RPS6KA5: variants seen among roughly 807,000 people sequenced by gnomAD.
The protein encoded by RPS6KA5 is ribosomal protein S6 kinase A5, also known as ribosomal protein S6 kinase alpha-5.
RPS6KA5 carries 27 observed loss-of-function variants against 85.5 expected under a neutral mutation model. That is an observed-to-expected ratio of 0.32 (90% CI 0.23 to 0.44). The LOEUF is 0.44. Ranked by LOEUF, RPS6KA5 falls within the 20% of genes least tolerant of loss-of-function variation. The pLI, the probability that RPS6KA5 is intolerant of heterozygous loss-of-function variation, is 1.00. For missense variants in RPS6KA5, 811 were observed against 980.9 expected (o/e 0.83, Z 2.31); for synonymous variants, 334 against 348.2 (o/e 0.96, Z 0.46).
rs1166443069 is a variant in RPS6KA5 at position 90,854,944 on chromosome 14, C to G, written c.*17130G>C. The stretch of plus-strand genomic sequence containing the variant: ...ACATAAAGATTTTATGTAAAACACT[C>G]TGCAGTTAGAAACAATCTTATTTAC... On this transcript the variant is annotated 3_prime_UTR_variant, in exon 17 of 17. Transcript: ENST00000614987. The G allele has an allele frequency of 6.6e-6, 1 of 152,128 alleles. No homozygotes were observed. The highest frequency in any genetic ancestry group is 2.4e-5 in the African/African-American group (1 of 41,422). 9.4% of individuals were successfully genotyped at this position (152,128 alleles called of 1,614,324 possible). A position where few individuals can be genotyped will look rare whatever the true frequency, so the allele number is the denominator to read the frequency against.
chr14:90,963,502 CA>C (rs2038909558), intron 3 of RPS6KA5, among the ~76,000 whole-genome samples: 1 of 152,232 alleles, frequency 6.6e-6, no homozygotes, highest in Non-Finnish European at 1.5e-5. Context: ...CCAACTCCAT[CA>C]TTCCTCTATG....
At chr14:90,949,432 G>A (rs967715826) in intron 3 of RPS6KA5, among the ~76,000 whole-genome samples, 1 of 152,158 alleles carries the variant, frequency 6.6e-6, no homozygotes, top group Non-Finnish European at 1.5e-5. Context: ...CTCTGCTAAA[G>A]TAAGGATTAA....
intron 2 of RPS6KA5, among the ~76,000 whole-genome samples, chr14:90,987,124 T>C (rs750518636): frequency 6.6e-6 from 1 of 152,188 alleles, no homozygotes; most frequent in Non-Finnish European, 1.5e-5. Flanking sequence ...TACATAAACA[T>C]TGTAGGCTTA....
At position 90,850,587 on chromosome 14, in the gene RPS6KA5, G is replaced by C. The variant is rs1325657720; in HGVS notation, c.*21487C>G. 6.6e-6 allele frequency: 1 copy of C among 151,996 alleles called. No individual in the cohort carries two copies. Among genetic ancestry groups the C allele is most frequent in the African/African-American group, 2.4e-5 (1 of 41,394 alleles). The allele number at this position is 151,996 out of a possible 1,614,324, so 9.4% of individuals were successfully genotyped here. A position where few individuals can be genotyped will look rare whatever the true frequency, so the allele number is the denominator to read the frequency against. On this transcript the variant is annotated 3_prime_UTR_variant, in exon 17 of 17. Transcript: ENST00000614987. ...AACCCATGATTAGCTCCAAGTTTTA[G>C]AAAGTTCTTGAACAAAAGGTACACA...
intron 13 of RPS6KA5, chr14:90,893,993 C>G (rs1009740383): frequency 1.3e-5 from 11 of 861,504 alleles, no homozygotes; most frequent in Non-Finnish European, 1.4e-5. Flanking sequence ...GAATTATATA[C>G]ATTTTTATTC....
chr14:91,032,871 A>G (rs1370699607), intron 1 of RPS6KA5, among the ~76,000 whole-genome samples: 1 of 152,076 alleles, frequency 6.6e-6, no homozygotes, highest in Non-Finnish European at 1.5e-5. Context: ...GCCAATAAAC[A>G]TATGAAAAAT....
intron 1 of RPS6KA5, among the ~76,000 whole-genome samples, chr14:91,051,145 G>A (rs2043062121): frequency 6.6e-6 from 1 of 152,112 alleles, no homozygotes; most frequent in South Asian, 2.1e-4. Flanking sequence ...AGGCTGAGGT[G>A]GGAGGATCAC....
chr14:90,978,289 T>C lies in RPS6KA5; in HGVS notation c.394+17A>G, dbSNP rs1175807705. ...AAAAGTGTTTTCATAAAAAGTCTGA[T>C]AACAACTGACACTTACCTAAAATGA... On this transcript the variant is annotated intron_variant, in intron 3 of 16. Transcript: ENST00000614987. 5 of 1,570,572 alleles carry C rather than the reference T, an allele frequency of 3.2e-6. No homozygotes were observed. Among genetic ancestry groups the C allele is most frequent in the Admixed American group, 3.8e-5 (2 of 52,622 alleles).
intron 1 of RPS6KA5, among the ~76,000 whole-genome samples, chr14:91,032,634 G>A (rs540196479): frequency 1.7e-4 from 26 of 152,234 alleles, no homozygotes; most frequent in African/African-American, 6.0e-4. Context: ...CATGCTTGAC[G>A]GCTATGGGTC....
At chr14:91,001,822 T>C (rs2040808694) in intron 1 of RPS6KA5, among the ~76,000 whole-genome samples, 2 of 152,210 alleles carry the variant, frequency 1.3e-5, no homozygotes, top group African/African-American at 4.8e-5. Flanking sequence ...CATAACATAT[T>C]CCATTGAATT....
rs532270856 is a variant in RPS6KA5 at position 90,892,761 on chromosome 14, T to C, written c.1644+1652A>G. Among the ~76,000 whole-genome samples, 6 of 152,342 alleles carry C rather than the reference T, an allele frequency of 3.9e-5. No homozygotes were observed. The South Asian group carries it at 1.2e-3, about 32-fold the overall frequency. On this transcript the variant is annotated intron_variant, in intron 13 of 16. Transcript: ENST00000614987. ...GCCACATGGGAAAATATTAAACTTTTAGTTTAGAAATAATATACACTGCCA... is the reference window on the plus strand; with the variant it reads ...GCCACATGGGAAAATATTAAACTTTCAGTTTAGAAATAATATACACTGCCA...
At chr14:90,976,241 C>A (rs550596333) in intron 3 of RPS6KA5, among the ~76,000 whole-genome samples, 3 of 145,790 alleles carry the variant, frequency 2.1e-5, no homozygotes, top group African/African-American at 5.1e-5. Flanking sequence ...ACAGAAAGGG[C>A]GGGGGCAGGC....
intron 3 of RPS6KA5, among the ~76,000 whole-genome samples, chr14:90,958,744 G>A (rs958108667): frequency 1.3e-5 from 2 of 151,984 alleles, no homozygotes; most frequent in African/African-American, 4.8e-5. Flanking sequence ...CCAACCTAGT[G>A]AAGCTTGCAT....
At chr14:90,907,228 C>A (rs574615994) in intron 7 of RPS6KA5, among the ~76,000 whole-genome samples, 1 of 152,198 alleles carries the variant, frequency 6.6e-6, no homozygotes, top group African/African-American at 2.4e-5. Flanking sequence ...ATATTAATAA[C>A]CATTATGGAA....
chr14:90,993,257 T>C (rs1188103679), intron 2 of RPS6KA5, among the ~76,000 whole-genome samples: 1 of 152,118 alleles, frequency 6.6e-6, no homozygotes, highest in African/African-American at 2.4e-5. Context: ...CTGGCTAATA[T>C]GGTGAAACCC....
chr14:91,001,177 G>GAA lies in RPS6KA5; in HGVS notation c.104-20_104-19dup. ...CAAATTAGCTAAAAGAAAAAAAGAG[G>GAA]AAAAAAAAAACAAGAGGGTCAGCAA... On this transcript the variant is annotated intron_variant, in intron 1 of 16. Transcript: ENST00000614987. 7.6e-5 allele frequency: 108 copies of GAA among 1,415,790 alleles called. No individual in the cohort carries two copies. The highest frequency in any genetic ancestry group is 2.2e-4 in the South Asian group (16 of 74,366). The allele number at this position is 1,415,790 out of a possible 1,614,324, so 87.7% of individuals were successfully genotyped here.
At chr14:90,969,860 T>TTC (rs1349835554) in intron 3 of RPS6KA5, among the ~76,000 whole-genome samples, 5 of 151,734 alleles carry the variant, frequency 3.3e-5, no homozygotes, top group Admixed American at 3.3e-4. Context: ...CTCTCTTTTT[T>TTC]TCTCTCTCTC....
chr14:91,013,866 G>A (rs1226137965), intron 1 of RPS6KA5, among the ~76,000 whole-genome samples: 1 of 152,214 alleles, frequency 6.6e-6, no homozygotes, highest in Non-Finnish European at 1.5e-5. Context: ...CTAAGCCACT[G>A]AAGGTAGGGA....
In RPS6KA5 at chr14:90,981,926, A is replaced by G. The variant is rs573552791; in HGVS notation, c.176-3402T>C. ...AAGCACCCATAAAGCTGTTTATCAC[A>G]TTGCCAAATGGGAAGAAAACACATT... On this transcript the variant is annotated intron_variant, in intron 2 of 16. Transcript: ENST00000614987. Among the ~76,000 whole-genome samples the G allele has an allele frequency of 2.3e-4, 35 of 152,380 alleles. 1 individual carries two copies. The South Asian group carries it at 7.0e-3, about 31-fold the overall frequency.
Sources: allele counts gnomAD v4.1 joint callset (sites outside exome capture counted in the v4.1 genomes callset), GRCh38; gene constraint gnomAD v4.1.1; transcripts MANE v1.5; gene names NCBI Gene and HGNC (gene_info 2026-07-23, HGNC 2026-07-21).